IDI2: variants seen among roughly 807,000 people sequenced by gnomAD.
IDI2 encodes the protein isopentenyl-diphosphate delta isomerase 2.
Under a neutral mutation model 14.8 loss-of-function variants are expected in IDI2, and 18 were observed. The observed-to-expected ratio is 1.22, with a 90% confidence interval of 0.84 to 1.80. The LOEUF (loss-of-function observed/expected upper bound fraction) is 1.80, where lower values mean the gene tolerates loss of function less well. IDI2 is among the 40% of genes most tolerant of loss of function. The pLI is 0.00. For synonymous variants in IDI2, 133 were observed against 109.6 expected, an observed-to-expected ratio of 1.21 and a Z score of -1.33; for missense variants, 316 against 283.2, an observed-to-expected ratio of 1.12 and a Z score of -0.83.
At position 1,023,337 on chromosome 10, in the gene IDI2, G is replaced by A. The variant is rs1465521376; in HGVS notation, c.143-562C>T. 3.3e-5 allele frequency among the ~76,000 whole-genome samples: 5 copies of A among 152,028 alleles called. No homozygotes were observed. In the East Asian group the frequency reaches 5.8e-4, roughly 18 times the overall value. ...AAAAATACAAAAAAATTAGCTGGGC[G>A]TGGTGGCAGGTGCCTGTAGTCCAAG... is the stretch of plus-strand genomic sequence containing the variant. On this transcript the variant is annotated intron_variant, in intron 2 of 4. Coordinates refer to ENST00000277517, the MANE Select transcript of IDI2 (RefSeq NM_033261.3).
intron 4 of IDI2, among the ~76,000 whole-genome samples, chr10:1,020,467 G>A (rs971192308): frequency 3.3e-5 from 5 of 152,224 alleles, no homozygotes; most frequent in East Asian, 1.9e-4. Flanking sequence ...GGGATTACAG[G>A]CGTGAGCCAC....
At position 1,019,535 on chromosome 10, in the gene IDI2, G is replaced by A. The variant is rs779081589; in HGVS notation, c.666C>T (p.His222=). ...CTGCCTCTCACACTCTGTGTATTTTGTGAAGCTCCACAAACGGGGTCACGT... is the reference window on the plus strand; with the variant it reads ...CTGCCTCTCACACTCTGTGTATTTTATGAAGCTCCACAAACGGGGTCACGT... ...LDDVTPFVEL[H]KIHRV The change falls in exon 5 of 5, where the codon CAC becomes CAT. Residue 222 remains histidine (H), a synonymous_variant. Coordinates refer to ENST00000277517, the MANE Select transcript of IDI2 (RefSeq NM_033261.3). 7 of 1,612,874 alleles carry A rather than the reference G, an allele frequency of 4.3e-6. No individual in the cohort carries two copies. The highest frequency in any genetic ancestry group is 5.1e-6 in the Non-Finnish European group (6 of 1,179,248).
chr10:1,020,518 G>C (rs1832073244), intron 4 of IDI2, among the ~76,000 whole-genome samples: 1 of 152,148 alleles, frequency 6.6e-6, no homozygotes, highest in African/African-American at 2.4e-5. Flanking sequence ...GTGGTCGACA[G>C]ATTCCTGCAC....
In IDI2 at chr10:1,019,241, G is replaced by T; in HGVS notation, c.*276C>A. 1 of 351,222 alleles carries T rather than the reference G, an allele frequency of 2.8e-6. No homozygotes were observed. Among genetic ancestry groups the T allele is most frequent in the Non-Finnish European group, 5.3e-6 (1 of 189,662 alleles). 21.8% of individuals were successfully genotyped at this position (351,222 alleles called of 1,614,324 possible). A position where few individuals can be genotyped will look rare whatever the true frequency, so the allele number is the denominator to read the frequency against. ...CTCCCCAAGACTTTCAGGATCAGCT[G>T]CTGTTAATCAAACAAGTGCTTATAA... On this transcript the variant is annotated 3_prime_UTR_variant, in exon 5 of 5. Transcript: ENST00000277517.
intron 2 of IDI2, 84 bp downstream of exon 2, chr10:1,024,498 C>CCT: frequency 6.6e-7 from 1 of 1,507,514 alleles, no homozygotes; most frequent in Non-Finnish European, 9.1e-7. Flanking sequence ...GCCGGAAAGG[C>CCT]CTAGACTCTC....
At chr10:1,021,069 C>T (rs957996637) in intron 3 of IDI2, among the ~76,000 whole-genome samples, 172 bp from the exon 4 acceptor site, 3 of 152,366 alleles carry the variant, frequency 2.0e-5, no homozygotes, top group Admixed American at 2.0e-4. Flanking sequence ...CCAGCCTCCA[C>T]GGCTGTGGGC....
In IDI2 at chr10:1,020,835, C is replaced by A; in HGVS notation, c.298G>T (p.Asp100Tyr). ...GCTGCCCTCCTCACTCCGATGGCAT[C>A]CTTTTCTTCCAGTTCTGCTGGGTTG... ...LYNPAELEEKDAIGVRRAAQR... is the reference protein window; with the variant it reads ...LYNPAELEEKYAIGVRRAAQR... Residue 100 changes from aspartate (D) to tyrosine (Y), a missense_variant, in exon 4 of 5, where the codon GAT (aspartate) becomes TAT (tyrosine). By Grantham distance (160) the Asp-to-Tyr change is radical. Transcript: ENST00000277517. The A allele has an allele frequency of 6.2e-7, 1 of 1,614,020 alleles. No individual in the cohort carries two copies. Among genetic ancestry groups the A allele is most frequent in the East Asian group, 2.2e-5 (1 of 44,872 alleles).
chr10:1,022,491 A>G (rs753409834), intron 3 of IDI2, 192 bp downstream of exon 3: 32 of 481,160 alleles, frequency 6.7e-5, no homozygotes, highest in Non-Finnish European at 1.1e-4. Flanking sequence ...TACTTTTTTA[A>G]AAAAGAAAAC....
intron 1 of IDI2, among the ~76,000 whole-genome samples, chr10:1,025,010 C>CCACACACACACACACACACA (rs72086728): frequency 1.9e-4 from 27 of 145,150 alleles, no homozygotes; most frequent in East Asian, 4.2e-4. Flanking sequence ...CCCCGCCCCA[C>CCACACACACACACACACACA]CACACACACA....
At chr10:1,023,581 T>C (rs1013764138) in intron 2 of IDI2, among the ~76,000 whole-genome samples, 3 of 151,964 alleles carry the variant, frequency 2.0e-5, no homozygotes, top group African/African-American at 7.3e-5. Context: ...GAAAAACAAG[T>C]ATCACATGTT....
intron 4 of IDI2, among the ~76,000 whole-genome samples, chr10:1,020,292 G>A (rs1321837528): frequency 3.3e-5 from 5 of 151,032 alleles, no homozygotes; most frequent in Non-Finnish European, 5.9e-5. Flanking sequence ...GCACAATCCC[G>A]GCTCACTGCA....
intron 3 of IDI2, among the ~76,000 whole-genome samples, chr10:1,021,551 C>A (rs1832100803): frequency 6.6e-6 from 1 of 152,228 alleles, no homozygotes; most frequent in Non-Finnish European, 1.5e-5. Flanking sequence ...TCCACTCTTG[C>A]AAGTACAAGA....
Position 1,022,439 on chromosome 10 carries a change from G to T in IDI2, c.235+244C>A, listed in dbSNP as rs11250226. Among the ~76,000 whole-genome samples, 30 of 152,188 alleles carry T rather than the reference G, an allele frequency of 2.0e-4. No individual in the cohort carries two copies. The East Asian group carries it at 5.2e-3, about 26-fold the overall frequency. Reference sequence around the variant, plus strand: ...CATTTAAGTAACTTGCCGTTGCAAAGAAACAACAAAACAAAAAAACCCAGA... The same window carrying T: ...CATTTAAGTAACTTGCCGTTGCAAATAAACAACAAAACAAAAAAACCCAGA... On this transcript the variant is annotated intron_variant, in intron 3 of 4. Transcript: ENST00000277517.
chr10:1,020,716 C>A, intron 4 of IDI2, 51 bp downstream of exon 4: 2 of 1,543,586 alleles, frequency 1.3e-6, no homozygotes, highest in South Asian at 1.3e-5. Context: ...CGTCTGCCCG[C>A]TGCCAACCTG....
At chr10:1,022,579 A>C (rs1832128859) in intron 3 of IDI2, 104 bp downstream of exon 3, 1 of 855,838 alleles carries the variant, frequency 1.2e-6, no homozygotes, top group African/African-American at 1.6e-5. Context: ...CTGCCAGCTC[A>C]CCACAGTGCG....
intron 2 of IDI2, among the ~76,000 whole-genome samples, chr10:1,024,196 G>A (rs993166117): frequency 2.0e-5 from 3 of 152,156 alleles, no homozygotes; most frequent in African/African-American, 7.2e-5. Flanking sequence ...AGGGGGTTCT[G>A]GCTACACCGA....
Position 1,024,564 on chromosome 10 carries a change from A to G in IDI2, c.142+18T>C. ...GGAAAACCCTGGGAACTGGACAGAG[A>G]AAATGGGCGGGGGCTACCTTTCTCA... On this transcript the variant is annotated intron_variant, in intron 2 of 4. Coordinates refer to ENST00000277517, the MANE Select transcript of IDI2 (RefSeq NM_033261.3). 1 of 1,613,550 alleles carries G rather than the reference A, an allele frequency of 6.2e-7. No individual in the cohort carries two copies. Among genetic ancestry groups the G allele is most frequent in the South Asian group, 1.1e-5 (1 of 91,028 alleles).
At position 1,019,635 on chromosome 10, in the gene IDI2, C is replaced by A. The variant is rs762900392; in HGVS notation, c.566G>T (p.Gly189Val). 5.6e-6 allele frequency: 9 copies of A among 1,614,046 alleles called. No homozygotes were observed. Among genetic ancestry groups the A allele is most frequent in the Non-Finnish European group, 6.8e-6 (8 of 1,180,024 alleles). ...LWELLEREAR[G>V]EVKVTPWLRT... ...TAGCCAGGGGGTGACTTTGACTTCA[C>A]CCCTCGCCTCCCTCTCCAGCAGCTC... Residue 189 changes from glycine to valine, a missense_variant, in exon 5 of 5, where the codon GGT becomes GTT. Coordinates refer to ENST00000277517, the MANE Select transcript of IDI2 (RefSeq NM_033261.3).
rs528911983 is a variant in IDI2, at chr10:1,020,912, T to C, written c.236-15A>G. On this transcript the variant is annotated splice_polypyrimidine_tract_variant and intron_variant, in intron 3 of 4. Coordinates refer to ENST00000277517, the MANE Select transcript of IDI2 (RefSeq NM_033261.3). ...GGTAAAATACCCTGGAAAAAATGCA[T>C]GTGGGAACATCCCTCTTTATTCCTG... is the stretch of plus-strand genomic sequence containing the variant. The C allele has an allele frequency of 5.6e-6, 9 of 1,606,570 alleles. No individual in the cohort carries two copies. The highest frequency in any genetic ancestry group is 1.7e-4 in the Middle Eastern group (1 of 6,026).
Sources: gnomAD v4.1 joint callset for allele counts (sites outside exome capture counted in the v4.1 genomes callset) on GRCh38, gnomAD v4.1.1 for gene constraint, MANE v1.5 for transcripts, NCBI Gene and HGNC (gene_info 2026-07-23, HGNC 2026-07-21) for gene names.